DLG2: variants seen among roughly 807,000 people sequenced by gnomAD.
DLG2 encodes the protein disks large homolog 2.
DLG2 carries 45 observed loss-of-function variants against 132.5 expected under a neutral mutation model. The ratio of observed to expected loss-of-function variants is 0.34; its 90% CI spans 0.27 to 0.44. DLG2 has a LOEUF of 0.44. DLG2 is among the 20% of genes least tolerant of loss of function. The probability of loss-of-function intolerance (pLI) is 1.00; values close to 1 mark genes in which losing one functional copy is unlikely to be tolerated. For missense variants in DLG2, 1,045 were observed against 1,196.9 expected (o/e 0.87, Z 1.87); for synonymous variants, 424 against 419.6 (o/e 1.01, Z -0.13).
intron 7 of DLG2, among the ~76,000 whole-genome samples, chr11:84,429,871 A>G (rs2098978726): frequency 1.3e-5 from 2 of 152,208 alleles, no homozygotes; most frequent in Non-Finnish European, 2.9e-5. Flanking sequence ...AAAAAATGCA[A>G]TTAAAGTTTT....
At chr11:85,561,459 A>C (rs1358130620) in intron 3 of DLG2, among the ~76,000 whole-genome samples, 1 of 151,374 alleles carries the variant, frequency 6.6e-6, no homozygotes, top group Non-Finnish European at 1.5e-5. Context: ...CCAGTATTAC[A>C]AAAGGGAAAC....
intron 4 of DLG2, among the ~76,000 whole-genome samples, chr11:85,173,191 T>C (rs2078998126): frequency 6.6e-6 from 1 of 151,550 alleles, no homozygotes; most frequent in Non-Finnish European, 1.5e-5. Context: ...TAGGTTGAAA[T>C]GAAAGAAAAA....
intron 10 of DLG2, among the ~76,000 whole-genome samples, chr11:84,095,100 T>C (rs1257557251): frequency 6.6e-6 from 1 of 151,790 alleles, no homozygotes; most frequent in Non-Finnish European, 1.5e-5. Context: ...ACAGGAAACT[T>C]AGGGAAGAAC....
At chr11:83,549,755 T>C (rs149866211) in intron 19 of DLG2, among the ~76,000 whole-genome samples, 1 of 152,316 alleles carries the variant, frequency 6.6e-6, no homozygotes, top group Non-Finnish European at 1.5e-5. Context: ...CACTCGTGCA[T>C]TTAGTGCATA....
At chr11:85,500,289 G>C (rs2093767279) in intron 3 of DLG2, among the ~76,000 whole-genome samples, 2 of 138,330 alleles carry the variant, frequency 1.4e-5, no homozygotes, top group African/African-American at 3.2e-5. Flanking sequence ...ACTATCGCAA[G>C]AACAAAAAAC....
At chr11:84,554,960 GT>G (rs895334825) in intron 6 of DLG2, among the ~76,000 whole-genome samples, 4 of 152,140 alleles carry the variant, frequency 2.6e-5, no homozygotes. Context: ...GAATCTTTGT[GT>G]TGGAAAAGAG....
chr11:85,348,202 G>C (rs2083002909), intron 3 of DLG2, among the ~76,000 whole-genome samples: 1 of 149,950 alleles, frequency 6.7e-6, no homozygotes, highest in African/African-American at 2.5e-5. Context: ...GGCCAGGATG[G>C]TCTCAACCTC....
intron 4 of DLG2, among the ~76,000 whole-genome samples, chr11:85,242,849 G>C (rs1343933936): frequency 6.6e-6 from 1 of 151,232 alleles, no homozygotes; most frequent in Non-Finnish European, 1.5e-5. Context: ...TTCCTTTTAA[G>C]TGTTTATGCT....
chr11:85,215,522 G>A (rs2082529491), intron 4 of DLG2, among the ~76,000 whole-genome samples: 2 of 152,062 alleles, frequency 1.3e-5, no homozygotes, highest in Non-Finnish European at 2.9e-5. Flanking sequence ...CAAACTCTCT[G>A]CCCTCACCTT....
At chr11:84,569,275 C>T (rs546227048) in intron 6 of DLG2, among the ~76,000 whole-genome samples, 1 of 152,274 alleles carries the variant, frequency 6.6e-6, no homozygotes, top group East Asian at 1.9e-4. Flanking sequence ...CCTGGAAAGG[C>T]CATAGCAGGG....
intron 20 of DLG2, among the ~76,000 whole-genome samples, chr11:83,535,301 T>C (rs1185733825): frequency 1.3e-5 from 2 of 152,172 alleles, no homozygotes; most frequent in East Asian, 3.9e-4. Flanking sequence ...ATGCAGAGAA[T>C]ACATGGTTAT....
At chr11:83,688,587 A>G (rs563974672) in intron 18 of DLG2, among the ~76,000 whole-genome samples, 1 of 152,262 alleles carries the variant, frequency 6.6e-6, no homozygotes, top group Non-Finnish European at 1.5e-5. Flanking sequence ...AGTTTATAGA[A>G]ATTGTGGCAG....
chr11:84,059,331 C>T lies in DLG2; in HGVS notation c.903G>A (p.Leu301=), dbSNP rs761883086. ...TTTGATTACCTTTAGGGCCTTTGAA[C>T]AGTTTGATTTCCACAACGGTCTCCA... is the stretch of plus-strand genomic sequence containing the variant. The part of the protein sequence containing the change: ...PILETVVEIK[L]FKGPKGLGFS... The change falls in exon 11 of 28, where the codon CTG becomes CTA. Residue 301 remains leucine (L), a synonymous_variant. Coordinates refer to ENST00000376104, the MANE Select transcript of DLG2 (RefSeq NM_001142699.3). The T allele has an allele frequency of 6.1e-5, 99 of 1,613,372 alleles. 1 individual carries two copies. The East Asian group carries it at 2.1e-3, about 35-fold the overall frequency.
chr11:85,301,945 T>C (rs1298295461), intron 3 of DLG2, among the ~76,000 whole-genome samples: 2 of 152,248 alleles, frequency 1.3e-5, no homozygotes, highest in African/African-American at 2.4e-5. Context: ...CTATTCTCTC[T>C]GTGTTATTAT....
At chr11:84,308,231 A>G (rs1228930770) in intron 7 of DLG2, among the ~76,000 whole-genome samples, 1 of 152,100 alleles carries the variant, frequency 6.6e-6, no homozygotes, top group African/African-American at 2.4e-5. Context: ...TGAGCTAGAC[A>G]CAAAGGTTCT....
chr11:84,541,602 A>G (rs1421637831), intron 6 of DLG2, among the ~76,000 whole-genome samples: 1 of 152,152 alleles, frequency 6.6e-6, no homozygotes, highest in African/African-American at 2.4e-5. Context: ...AGTAGCCCAC[A>G]AATGCCTCAA....
At chr11:85,342,762 G>A (rs138721109) in intron 3 of DLG2, among the ~76,000 whole-genome samples, 24 of 152,228 alleles carry the variant, frequency 1.6e-4, no homozygotes, top group African/African-American at 4.8e-4. Context: ...CATTACAACA[G>A]CTACAATGTC....
chr11:85,122,103 C>T (rs1312999373), intron 5 of DLG2, among the ~76,000 whole-genome samples: 1 of 152,130 alleles, frequency 6.6e-6, no homozygotes, highest in Non-Finnish European at 1.5e-5. Flanking sequence ...CTGCCAGTAC[C>T]ATGGTAAGTG....
chr11:85,350,167 G>T (rs1303501496), intron 3 of DLG2, among the ~76,000 whole-genome samples: 1 of 152,218 alleles, frequency 6.6e-6, no homozygotes, highest in African/African-American at 2.4e-5. Context: ...GACCAGTGAT[G>T]ATGAGCATTT....
Sources: allele counts gnomAD v4.1 joint callset (sites outside exome capture counted in the v4.1 genomes callset), GRCh38; gene constraint gnomAD v4.1.1; transcripts MANE v1.5; gene names NCBI Gene and HGNC (gene_info 2026-07-23, HGNC 2026-07-21).